The following RBFOX1 variants were observed in gnomAD, a reference collection of about 807,000 sequenced individuals.
The protein encoded by RBFOX1 is RNA binding protein fox-1 homolog 1.
RBFOX1 carries 8 observed loss-of-function variants against 57.7 expected under a neutral mutation model. The observed-to-expected ratio is 0.14, with a 90% CI of 0.08 to 0.25. The LOEUF (loss-of-function observed/expected upper bound fraction) is 0.25. Among genes scored for constraint, RBFOX1 ranks in the 10% least tolerant of loss-of-function variants. RBFOX1 has a pLI of 1.00. For synonymous variants in RBFOX1, 326 were observed against 222.4 expected (o/e 1.47, Z -4.15); for missense variants, 611 against 548.5 (o/e 1.11, Z -1.14).
intron 3 of RBFOX1, among the ~76,000 whole-genome samples, chr16:6,973,425 C>T (rs1349068132): frequency 1.3e-5 from 2 of 152,130 alleles, no homozygotes; most frequent in Admixed American, 6.6e-5. Context: ...AAGCATTCTT[C>T]CCAGTGATAT....
intron 3 of RBFOX1, among the ~76,000 whole-genome samples, chr16:5,811,649 C>G (rs867444979): frequency 1.3e-4 from 19 of 151,906 alleles, no homozygotes; most frequent in Middle Eastern, 6.8e-3. Context: ...CAGGGTTTCA[C>G]GATGTTGGCC....
At chr16:7,321,514 T>G (rs1181141746) in intron 4 of RBFOX1, among the ~76,000 whole-genome samples, 2 of 152,144 alleles carry the variant, frequency 1.3e-5, no homozygotes, top group East Asian at 3.9e-4. Flanking sequence ...CATGGGATTA[T>G]GTATGGGGCC....
At chr16:7,706,523 T>A (rs2082494307) in intron 14 of RBFOX1, among the ~76,000 whole-genome samples, 1 of 152,210 alleles carries the variant, frequency 6.6e-6, no homozygotes, top group Non-Finnish European at 1.5e-5. Context: ...ATTGCCCATA[T>A]AGTGTCTCCC....
chr16:6,568,495 C>G (rs558619248), intron 2 of RBFOX1, among the ~76,000 whole-genome samples: 8 of 152,178 alleles, frequency 5.3e-5, no homozygotes, highest in African/African-American at 1.9e-4. Flanking sequence ...CTTTTATAAC[C>G]CAACCTCAGA....
intron 3 of RBFOX1, among the ~76,000 whole-genome samples, chr16:5,660,627 T>C (rs1430953519): frequency 1.3e-5 from 2 of 152,228 alleles, no homozygotes; most frequent in Admixed American, 1.3e-4. Context: ...ATTTTCACAT[T>C]TCTTTCTCTG....
intron 3 of RBFOX1, among the ~76,000 whole-genome samples, chr16:6,908,338 A>G (rs758917022): frequency 6.8e-6 from 1 of 147,576 alleles, no homozygotes; most frequent in African/African-American, 2.4e-5. Flanking sequence ...TGTTCATCCA[A>G]GTTACTCTGC....
chr16:6,525,798 G>C (rs1174139393), intron 2 of RBFOX1, among the ~76,000 whole-genome samples: 4 of 152,020 alleles, frequency 2.6e-5, no homozygotes, highest in African/African-American at 9.7e-5. Context: ...TCCCATTCAT[G>C]AGAGCTTTTC....
chr16:6,939,456 G>T (rs781617357), intron 3 of RBFOX1, among the ~76,000 whole-genome samples: 45 of 151,128 alleles, frequency 3.0e-4, no homozygotes, highest in Non-Finnish European at 5.7e-4. Flanking sequence ...CTGGGTTAAT[G>T]AATGTGCTCT....
intron 3 of RBFOX1, among the ~76,000 whole-genome samples, chr16:5,651,387 C>T (rs1197596757): frequency 3.9e-5 from 6 of 152,062 alleles, no homozygotes; most frequent in African/African-American, 1.4e-4. Flanking sequence ...ATTCCTGGAG[C>T]AACCTGCAGA....
rs553516719 is a variant in RBFOX1 at position 6,873,822 on chromosome 16, A to G, written c.-15-178235A>G. On this transcript the variant is annotated intron_variant, in intron 3 of 15. Coordinates refer to ENST00000550418, the MANE Select transcript of RBFOX1 (RefSeq NM_018723.4). Reference sequence around the variant, plus strand: ...ATTATTGCCATTTTCCAGATAAGGAAACCGAGACTTTGAAACATTAAGTAA... The same window carrying G: ...ATTATTGCCATTTTCCAGATAAGGAGACCGAGACTTTGAAACATTAAGTAA... 3.7e-4 allele frequency: 56 copies of G among 152,298 alleles called. 1 individual carries two copies. Among genetic ancestry groups the G allele is most frequent in the African/African-American group, 1.3e-3 (55 of 41,564 alleles). The allele number at this position is 152,298 out of a possible 1,614,324, so 9.4% of individuals were successfully genotyped here. A position where few individuals can be genotyped will look rare whatever the true frequency, so the allele number is the denominator to read the frequency against.
At chr16:6,000,558 G>T (rs952262761) in intron 4 of RBFOX1, among the ~76,000 whole-genome samples, 1 of 152,108 alleles carries the variant, frequency 6.6e-6, no homozygotes, top group African/African-American at 2.4e-5. Flanking sequence ...TTCCTTTGCT[G>T]AATATTGTAT....
chr16:7,629,963 A>C (rs72774997), intron 10 of RBFOX1, among the ~76,000 whole-genome samples: 5,427 of 152,202 alleles, frequency 0.036, 133 homozygotes, highest in South Asian at 0.12. Context: ...GGATGGCAAA[A>C]AGTTGCAATT....
At chr16:6,884,870 C>A (rs552266921) in intron 3 of RBFOX1, among the ~76,000 whole-genome samples, 1 of 152,222 alleles carries the variant, frequency 6.6e-6, no homozygotes, top group Non-Finnish European at 1.5e-5. Flanking sequence ...TGCACTCCAG[C>A]CTGCATGGCA....
chr16:5,240,631 T>A (rs527333836), intron 1 of RBFOX1, among the ~76,000 whole-genome samples: 10 of 152,268 alleles, frequency 6.6e-5, no homozygotes, highest in South Asian at 4.1e-4. Context: ...CAGCGAGAGT[T>A]GAGAGGAGGC....
chr16:6,531,001 A>G (rs2096650196), intron 2 of RBFOX1, among the ~76,000 whole-genome samples: 1 of 152,166 alleles, frequency 6.6e-6, no homozygotes, highest in African/African-American at 2.4e-5. Context: ...CCAACCATGC[A>G]TCGCACAGGC....
At chr16:6,943,047 C>T (rs564010442) in intron 3 of RBFOX1, among the ~76,000 whole-genome samples, 26 of 152,276 alleles carry the variant, frequency 1.7e-4, no homozygotes, top group African/African-American at 6.3e-4. Flanking sequence ...GAGAAAGCTC[C>T]CTGAATGCCT....
intron 3 of RBFOX1, among the ~76,000 whole-genome samples, chr16:6,865,005 T>C (rs1367206444): frequency 8.6e-5 from 12 of 139,810 alleles, no homozygotes; most frequent in Non-Finnish European, 1.8e-4. Context: ...CTTTTTTTTT[T>C]TTTTTTTTTT....
At chr16:6,020,098 C>T (rs1596424191) in intron 1 of RBFOX1, 106 bp downstream of exon 1, 1 of 1,252,852 alleles carries the variant, frequency 8.0e-7, no homozygotes, top group Non-Finnish European at 1.0e-6. Context: ...CTGGCCTCCT[C>T]CTAGCGCCAG....
At chr16:7,291,199 C>G (rs1369352250) in intron 4 of RBFOX1, among the ~76,000 whole-genome samples, 5 of 152,140 alleles carry the variant, frequency 3.3e-5, no homozygotes, top group African/African-American at 1.2e-4. Flanking sequence ...ATGTGCAGAA[C>G]CAGCTTAAAG....
Sources: allele counts gnomAD v4.1 joint callset (sites outside exome capture counted in the v4.1 genomes callset), GRCh38; gene constraint gnomAD v4.1.1; transcripts MANE v1.5; gene names NCBI Gene and HGNC (gene_info 2026-07-23, HGNC 2026-07-21).